The following KDM2B variants were observed in gnomAD, a reference collection of about 807,000 sequenced individuals.
The protein encoded by KDM2B is lysine demethylase 2B, also known as lysine-specific demethylase 2B.
Under a neutral mutation model 150.0 loss-of-function variants are expected in KDM2B, and 26 were observed. That is an observed-to-expected ratio of 0.17 (90% CI 0.13 to 0.24). The LOEUF (loss-of-function observed/expected upper bound fraction) is 0.24. Ranked by LOEUF, KDM2B falls within the 10% of genes least tolerant of loss-of-function variation. The probability of loss-of-function intolerance (pLI) is 1.00; values close to 1 mark genes in which losing one functional copy is unlikely to be tolerated. For synonymous variants in KDM2B, 734 were observed against 729.5 expected (o/e 1.01, Z -0.10); for missense variants, 1,265 against 1,816.9 (o/e 0.70, Z 5.52).
rs1229737414 is a variant in KDM2B, at chr12:121,518,060, T to C, written c.1047+2925A>G. Among the ~76,000 whole-genome samples, 1 of 151,054 alleles carries C rather than the reference T, an allele frequency of 6.6e-6. No individual in the cohort carries two copies. Among genetic ancestry groups the C allele is most frequent in the Non-Finnish European group, 1.5e-5 (1 of 67,740 alleles). On this transcript the variant is annotated intron_variant, in intron 9 of 22. Coordinates refer to ENST00000377071, the MANE Select transcript of KDM2B (RefSeq NM_032590.5). The surrounding 1 kb of genome is among the most constrained non-coding windows in gnomAD (Gnocchi z 4.4). ...GGCACACACCACCATGCTCGGCTAATTTTTGTATTTTTAGTAGAGACAGGG... is the reference window on the plus strand; with the variant it reads ...GGCACACACCACCATGCTCGGCTAACTTTTGTATTTTTAGTAGAGACAGGG...
In KDM2B at chr12:121,457,739, T is replaced by TACACACAC. The variant is rs138823282; in HGVS notation, c.1735-4403_1735-4396dup. The stretch of plus-strand genomic sequence containing the variant: ...TGAAAGGTTAGGAAGATCGGAAACA[T>TACACACAC]ACACACACACACACACACACACACA... On this transcript the variant is annotated intron_variant, in intron 12 of 22. Transcript: ENST00000377071. Among the ~76,000 whole-genome samples the TACACACAC allele has an allele frequency of 3.9e-3, 569 of 145,094 alleles. 2 individuals are homozygous for TACACACAC. Among genetic ancestry groups the TACACACAC allele is most frequent in the Middle Eastern group, 0.028 (8 of 286 alleles).
intron 12 of KDM2B, among the ~76,000 whole-genome samples, chr12:121,459,071 C>T (rs1201115278): frequency 3.0e-5 from 4 of 133,416 alleles, no homozygotes; most frequent in East Asian, 2.2e-4. Context: ...GGCAACAGAG[C>T]GAGACTCTGC....
chr12:121,560,835 G>C lies in KDM2B; in HGVS notation c.398-11197C>G, dbSNP rs75059909. Among the ~76,000 whole-genome samples, 279 of 152,306 alleles carry C rather than the reference G, an allele frequency of 1.8e-3. 1 individual carries two copies. Among genetic ancestry groups the C allele is most frequent in the African/African-American group, 6.3e-3 (260 of 41,564 alleles). ...GTAGCCTAAAGGGATGGAGGGGACA[G>C]ATCAGTGCCAAGAATGGAATGCAGC... is the stretch of plus-strand genomic sequence containing the variant. On this transcript the variant is annotated intron_variant, in intron 4 of 22. Coordinates refer to ENST00000377071, the MANE Select transcript of KDM2B (RefSeq NM_032590.5).
chr12:121,446,669 A>C (rs76018552), intron 13 of KDM2B, among the ~76,000 whole-genome samples: 1,858 of 152,328 alleles, frequency 0.012, 44 homozygotes, highest in African/African-American at 0.043. Context: ...TTTTGTGAAG[A>C]TCAAAGAAGT....
intron 8 of KDM2B, among the ~76,000 whole-genome samples, chr12:121,524,245 C>T (rs1015758919): frequency 6.6e-5 from 10 of 152,308 alleles, no homozygotes; most frequent in Non-Finnish European, 1.0e-4. Flanking sequence ...AGTCCTGAAT[C>T]CATATAAGCA....
chr12:121,506,344 T>C (rs1427745020), intron 11 of KDM2B, among the ~76,000 whole-genome samples: 1 of 152,048 alleles, frequency 6.6e-6, no homozygotes, highest in African/African-American at 2.4e-5. Context: ...CTAATGCCTG[T>C]CAGACTAATC....
At chr12:121,431,249 A>G (rs1872948840) in intron 22 of KDM2B, among the ~76,000 whole-genome samples, 2 of 149,356 alleles carry the variant, frequency 1.3e-5, no homozygotes, top group Admixed American at 6.7e-5. Flanking sequence ...CTCCTGCCTC[A>G]GCCTCCTGAG....
At chr12:121,538,335 T>A (rs1888333696) in intron 6 of KDM2B, among the ~76,000 whole-genome samples, 1 of 151,512 alleles carries the variant, frequency 6.6e-6, no homozygotes, top group Non-Finnish European at 1.5e-5. Context: ...CCCCTCCAGA[T>A]ACAGCCATAG....
At chr12:121,567,197 T>C (rs1423531572) in intron 4 of KDM2B, among the ~76,000 whole-genome samples, 1 of 152,240 alleles carries the variant, frequency 6.6e-6, no homozygotes, top group African/African-American at 2.4e-5. Context: ...TGGGAATATA[T>C]ATATATCTGA....
At chr12:121,555,818 G>A (rs577789164) in intron 4 of KDM2B, among the ~76,000 whole-genome samples, 49 of 152,278 alleles carry the variant, frequency 3.2e-4, no homozygotes, top group African/African-American at 8.7e-4. Flanking sequence ...TGTTTGGGAC[G>A]TGAGGGTGGA....
chr12:121,444,420 T>A (rs782527551), intron 15 of KDM2B, 30 bp downstream of exon 15: 1 of 1,613,164 alleles, frequency 6.2e-7, no homozygotes, highest in Non-Finnish European at 8.5e-7. Flanking sequence ...CTCTCCCGAC[T>A]GACCCTGGGA....
At chr12:121,534,060 A>T (rs115395985) in intron 7 of KDM2B, among the ~76,000 whole-genome samples, 10,375 of 151,476 alleles carry the variant, frequency 0.068, 831 homozygotes, top group African/African-American at 0.19. Context: ...ATAATTTTTT[A>T]AAAAAAAAGC....
At chr12:121,479,415 C>T (rs1169263782) in intron 12 of KDM2B, among the ~76,000 whole-genome samples, 1 of 149,552 alleles carries the variant, frequency 6.7e-6, no homozygotes, top group Non-Finnish European at 1.5e-5. Flanking sequence ...TGCAATGAGC[C>T]GAGATCGTGC....
Position 121,540,622 on chromosome 12 carries a change from G to C in KDM2B, c.684-6032C>G, listed in dbSNP as rs149152072. Among the ~76,000 whole-genome samples the C allele has an allele frequency of 7.8e-3, 1,186 of 151,882 alleles. 9 individuals carry two copies. Among genetic ancestry groups the C allele is most frequent in the African/African-American group, 0.028 (1,139 of 41,414 alleles). ...AAAAAAATTAGCCGGGTGTGGTGTT[G>C]CATGCCTGTAGTTCCAGCTAAATCG... On this transcript the variant is annotated intron_variant, in intron 6 of 22. Coordinates refer to ENST00000377071, the MANE Select transcript of KDM2B (RefSeq NM_032590.5).
rs1555305832 is a variant in KDM2B, at chr12:121,521,023, T to C, written c.1009A>G (p.Met337Val). The C allele has an allele frequency of 6.2e-7, 1 of 1,613,964 alleles. No individual in the cohort carries two copies. Among genetic ancestry groups the C allele is most frequent in the Non-Finnish European group, 8.5e-7 (1 of 1,179,966 alleles). The change falls in exon 9 of 23, where the codon ATG becomes GTG. Residue 337 changes from methionine to valine, a missense_variant. This residue lies in a region of KDM2B where 214 missense variants were observed against 447.4 expected (regional missense o/e 0.48). Coordinates refer to ENST00000377071, the MANE Select transcript of KDM2B (RefSeq NM_032590.5). This position sits in a 1 kb window ranked among gnomAD's most constrained non-coding sequence, Gnocchi z 4.9. ...TCGATCTCGTAGATCCGCAGCTGCA[T>C]GGGCACGTTAAAGCTGTGCAGGATG... ...GNILHSFNVP[M>V]QLRIYEIEDR...
intron 4 of KDM2B, among the ~76,000 whole-genome samples, chr12:121,551,446 AG>A (rs1236845289): frequency 4.6e-5 from 7 of 150,830 alleles, no homozygotes; most frequent in African/African-American, 1.7e-4. Context: ...CCCTGGCTCG[AG>A]GGATCCTCCA....
At chr12:121,474,406 C>T (rs1168953552) in intron 12 of KDM2B, among the ~76,000 whole-genome samples, 1 of 152,126 alleles carries the variant, frequency 6.6e-6, no homozygotes, top group African/African-American at 2.4e-5. Context: ...GTCCCAGCTA[C>T]TCAGGAGGCT....
Position 121,442,647 on chromosome 12 carries a change from T to C in KDM2B, c.2794A>G (p.Lys932Glu), listed in dbSNP as rs371104620. 1.0e-5 allele frequency: 16 copies of C among 1,595,648 alleles called. No homozygotes were observed. The highest frequency in any genetic ancestry group is 2.2e-5 in the South Asian group (2 of 90,322). The change falls in exon 19 of 23, where the codon AAG (lysine) becomes GAG (glutamate). Residue 932 changes from lysine to glutamate, a missense_variant. Lys to Glu is a moderately conservative substitution (Grantham distance 56). Transcript: ENST00000377071. This position sits in a 1 kb window ranked among gnomAD's most constrained non-coding sequence, Gnocchi z 7.7. ...EGAEGPEEKKKVKMRRKRRLP... is the reference protein window; with the variant it reads ...EGAEGPEEKKEVKMRRKRRLP... ...CGCCGCTTCCGGCGCATCTTCACCT[T>C]CTTCTTCTCCTCCGGGCCCTCGGCC... is the stretch of plus-strand genomic sequence containing the variant.
chr12:121,573,207 C>T (rs930065348), intron 4 of KDM2B, among the ~76,000 whole-genome samples: 3 of 151,924 alleles, frequency 2.0e-5, no homozygotes, highest in Non-Finnish European at 2.9e-5. Flanking sequence ...AATCCTCCCG[C>T]CTCAGCCTCC....
Sources: gnomAD v4.1 joint callset for allele counts (sites outside exome capture counted in the v4.1 genomes callset) on GRCh38, gnomAD v4.1.1 for gene constraint, gnomAD v4.1.1 regional missense constraint, Gnocchi (gnomAD v3.1) non-coding constraint, MANE v1.5 for transcripts, NCBI Gene and HGNC (gene_info 2026-07-23, HGNC 2026-07-21) for gene names.